The following IPPK variants were observed in gnomAD, a reference collection of about 807,000 sequenced individuals.
IPPK encodes the protein IPK1 homolog.
A neutral mutation model predicts 64.6 loss-of-function variants in IPPK; 22 were observed. That is an observed-to-expected ratio of 0.34 (90% CI 0.24 to 0.49). The LOEUF is 0.49. Among genes scored for constraint, IPPK ranks in the 20% least tolerant of loss-of-function variants. The probability of loss-of-function intolerance (pLI) is 0.99; values close to 1 mark genes in which losing one functional copy is unlikely to be tolerated. For synonymous variants in IPPK, 262 were observed against 247.2 expected (o/e 1.06, Z -0.56); for missense variants, 532 against 630.7 (o/e 0.84, Z 1.68).
chr9:92,645,923 T>G (rs1018138455), intron 6 of IPPK, among the ~76,000 whole-genome samples: 2 of 150,894 alleles, frequency 1.3e-5, no homozygotes, highest in African/African-American at 4.9e-5. Context: ...CAGGAAGAAA[T>G]AAAGAGTATC....
chr9:92,657,502 C>A (rs983048690), intron 2 of IPPK, among the ~76,000 whole-genome samples: 15 of 152,228 alleles, frequency 9.9e-5, no homozygotes, highest in African/African-American at 3.1e-4. Context: ...ACAGGAAGAT[C>A]TGACAGGGGC....
chr9:92,616,198 CTT>C (rs990666050), intron 12 of IPPK, 141 bp from the exon 13 acceptor site: 11 of 632,184 alleles, frequency 1.7e-5, no homozygotes, highest in Non-Finnish European at 2.7e-5. Flanking sequence ...AAATCAATCT[CTT>C]TTAAAAGAGA....
intron 11 of IPPK, 145 bp downstream of exon 11, chr9:92,634,241 A>T: frequency 1.6e-6 from 1 of 619,354 alleles, no homozygotes; most frequent in South Asian, 2.0e-5. Flanking sequence ...TCTGGGAGAA[A>T]CTTCAGCCAC....
rs1017340906 is a variant in IPPK, at chr9:92,661,133, G to A, written c.82-2452C>T. Among the ~76,000 whole-genome samples, 19 of 152,306 alleles carry A rather than the reference G, an allele frequency of 1.2e-4. No individual in the cohort carries two copies. The South Asian group carries it at 1.7e-3, about 13-fold the overall frequency. On this transcript the variant is annotated intron_variant, in intron 1 of 12. Coordinates refer to ENST00000287996, the MANE Select transcript of IPPK (RefSeq NM_022755.6). Reference sequence around the variant, plus strand: ...CTCCTAAACTCCATCATCTCCAGCCGTCTCTCCCTCCAAGATGGGCAACTG... The same window carrying A: ...CTCCTAAACTCCATCATCTCCAGCCATCTCTCCCTCCAAGATGGGCAACTG...
At chr9:92,641,850 G>T (rs1000580811) in intron 7 of IPPK, among the ~76,000 whole-genome samples, 3 of 152,194 alleles carry the variant, frequency 2.0e-5, no homozygotes, top group Admixed American at 2.0e-4. Flanking sequence ...TCACACAGTG[G>T]AGCGAGAAAA....
Position 92,615,081 on chromosome 9 carries a change from C to T in IPPK, c.*751G>A, listed in dbSNP as rs1402980297. On this transcript the variant is annotated 3_prime_UTR_variant, in exon 13 of 13. Transcript: ENST00000287996. ...CAGCCAGTCACAGCTCCACCTCCAA[C>T]TTCTACAGCAGCAATTTTTAGTGGG... 1 of 152,330 alleles carries T rather than the reference C, an allele frequency of 6.6e-6. No homozygotes were observed. The highest frequency in any genetic ancestry group is 1.9e-4 in the East Asian group (1 of 5,214). 9.4% of individuals were successfully genotyped at this position (152,330 alleles called of 1,614,324 possible). A position where few individuals can be genotyped will look rare whatever the true frequency, so the allele number is the denominator to read the frequency against.
chr9:92,644,462 C>G (rs1464756438), intron 6 of IPPK, among the ~76,000 whole-genome samples: 1 of 152,162 alleles, frequency 6.6e-6, no homozygotes, highest in Non-Finnish European at 1.5e-5. Flanking sequence ...CAGACAATCA[C>G]TTATTTGACC....
intron 12 of IPPK, chr9:92,616,662 G>A (rs1320941623): frequency 2.0e-5 from 3 of 152,448 alleles, no homozygotes; most frequent in Non-Finnish European, 2.9e-5. Flanking sequence ...TTGCTTCTCA[G>A]GGCTTAGTTT....
chr9:92,617,888 G>A, intron 12 of IPPK: 1 of 220,720 alleles, frequency 4.5e-6, no homozygotes, highest in East Asian at 1.2e-4. Context: ...CTTTATGACA[G>A]GGCAGAAACA....
intron 12 of IPPK, 70 bp downstream of exon 12, chr9:92,619,416 T>A (rs1205684543): frequency 8.0e-7 from 1 of 1,248,780 alleles, no homozygotes; most frequent in African/African-American, 1.5e-5. Context: ...AACTATCCTA[T>A]TAACAATTCA....
chr9:92,665,480 T>C (rs1237797862), intron 1 of IPPK, among the ~76,000 whole-genome samples: 1 of 152,238 alleles, frequency 6.6e-6, no homozygotes, highest in Non-Finnish European at 1.5e-5. Context: ...TAGAACGGAC[T>C]ACTAGAACAG....
At chr9:92,669,292 G>A (rs1852673627) in intron 1 of IPPK, among the ~76,000 whole-genome samples, 2 of 152,150 alleles carry the variant, frequency 1.3e-5, no homozygotes, top group Admixed American at 6.5e-5. Context: ...ACCTTTGCGA[G>A]ATCTTACTGC....
chr9:92,618,545 G>C (rs993347874), intron 12 of IPPK: 31 of 456,600 alleles, frequency 6.8e-5, no homozygotes, highest in Non-Finnish European at 4.4e-6. Flanking sequence ...CTGCTGAACA[G>C]TGGTATCTTC....
chr9:92,644,493 G>A (rs777094580), intron 6 of IPPK, among the ~76,000 whole-genome samples: 3 of 152,004 alleles, frequency 2.0e-5, no homozygotes, highest in Non-Finnish European at 4.4e-5. Flanking sequence ...TTCCCGGAAA[G>A]ATCACACTTG....
chr9:92,647,093 G>A (rs753461309), intron 6 of IPPK, among the ~76,000 whole-genome samples: 9 of 152,124 alleles, frequency 5.9e-5, no homozygotes, highest in Non-Finnish European at 1.3e-4. Context: ...CAAGGAAAAA[G>A]AGACAGAAAC....
intron 1 of IPPK, among the ~76,000 whole-genome samples, chr9:92,669,638 C>T (rs1257427072): frequency 1.3e-5 from 2 of 151,790 alleles, no homozygotes; most frequent in Admixed American, 6.6e-5. Flanking sequence ...TGACGGGGAA[C>T]GGGAATACTG....
rs1196909454 is a variant in IPPK at position 92,613,463 on chromosome 9, C to T, written c.*2369G>A. 6.5e-6 allele frequency: 2 copies of T among 309,734 alleles called. No individual in the cohort carries two copies. Among genetic ancestry groups the T allele is most frequent in the African/African-American group, 4.3e-5 (2 of 46,466 alleles). The allele number at this position is 309,734 out of a possible 1,614,324, so 19.2% of individuals were successfully genotyped here. On this transcript the variant is annotated 3_prime_UTR_variant, in exon 13 of 13. Transcript: ENST00000287996. Reference sequence around the variant, plus strand: ...CCATCCCCCACCCACTGCAGCCTCACACCGAGTCCACCTTGGACATGGTGG... The same window carrying T: ...CCATCCCCCACCCACTGCAGCCTCATACCGAGTCCACCTTGGACATGGTGG...
chr9:92,617,293 G>A (rs561805014), intron 12 of IPPK: 7 of 152,346 alleles, frequency 4.6e-5, no homozygotes, highest in African/African-American at 1.7e-4. Flanking sequence ...CACATCCCCA[G>A]CCCATGACTA....
At chr9:92,664,260 G>T (rs1036809212) in intron 1 of IPPK, among the ~76,000 whole-genome samples, 1 of 152,236 alleles carries the variant, frequency 6.6e-6, no homozygotes, top group Admixed American at 6.5e-5. Flanking sequence ...GGTGAGCTTC[G>T]CTTCACTGGG....
Sources: gnomAD v4.1 joint callset for allele counts (sites outside exome capture counted in the v4.1 genomes callset) on GRCh38, gnomAD v4.1.1 for gene constraint, MANE v1.5 for transcripts, NCBI Gene and HGNC (gene_info 2026-07-23, HGNC 2026-07-21) for gene names.